The following CACNA2D1 variants were observed in gnomAD, a reference collection of about 807,000 sequenced individuals.
CACNA2D1 encodes the protein voltage-dependent calcium channel subunit alpha-2/delta-1.
A neutral mutation model predicts 171.5 loss-of-function variants in CACNA2D1; 53 were observed. The ratio of observed to expected loss-of-function variants is 0.31; its 90% confidence interval spans 0.25 to 0.39. The LOEUF is 0.39. Among genes scored for constraint, CACNA2D1 ranks in the 10% least tolerant of loss-of-function variants. The probability of loss-of-function intolerance (pLI) is 1.00; values close to 1 mark genes in which losing one functional copy is unlikely to be tolerated. For missense variants in CACNA2D1, 903 were observed against 1,299.8 expected (o/e 0.69, Z 4.69); for synonymous variants, 442 against 443.1 (o/e 1.00, Z 0.03).
chr7:82,109,840 C>T (rs1179382714), intron 6 of CACNA2D1, among the ~76,000 whole-genome samples: 5 of 152,172 alleles, frequency 3.3e-5, no homozygotes, highest in Non-Finnish European at 2.9e-5. Flanking sequence ...GGTATATTCA[C>T]CTCCTTTGAT....
intron 3 of CACNA2D1, among the ~76,000 whole-genome samples, chr7:82,210,171 T>G (rs1800416396): frequency 6.6e-6 from 1 of 152,112 alleles, no homozygotes; most frequent in African/African-American, 2.4e-5. Flanking sequence ...TGAGGGTAAT[T>G]AATAATAAGT....
At chr7:82,043,106 T>C (rs888738150) in intron 10 of CACNA2D1, among the ~76,000 whole-genome samples, 2 of 152,192 alleles carry the variant, frequency 1.3e-5, no homozygotes, top group Non-Finnish European at 2.9e-5. Flanking sequence ...GTATAAAATG[T>C]TGATCAATAA....
At chr7:82,036,948 T>C (rs1233414090) in intron 11 of CACNA2D1, among the ~76,000 whole-genome samples, 1 of 152,156 alleles carries the variant, frequency 6.6e-6, no homozygotes, top group Non-Finnish European at 1.5e-5. Flanking sequence ...TGTGGTTTGC[T>C]ACATGCCAGG....
At chr7:82,129,499 T>C (rs1008397968) in intron 5 of CACNA2D1, among the ~76,000 whole-genome samples, 6 of 152,218 alleles carry the variant, frequency 3.9e-5, no homozygotes, top group Admixed American at 6.5e-5. Flanking sequence ...CTGAGGATTA[T>C]TGATAAACAA....
At chr7:82,027,786 CA>C (rs1802127289) in intron 12 of CACNA2D1, 1 of 151,698 alleles carries the variant, frequency 6.6e-6, no homozygotes, top group Non-Finnish European at 1.5e-5. Context: ...ATTATTATTA[CA>C]TCTGTTATAG....
chr7:82,098,175 T>C (rs550873089), intron 6 of CACNA2D1, among the ~76,000 whole-genome samples: 14 of 150,512 alleles, frequency 9.3e-5, no homozygotes, highest in Non-Finnish European at 1.6e-4. Flanking sequence ...AGGAATCAGA[T>C]AGAAGTTGCT....
chr7:82,382,639 A>T (rs1431123636), intron 1 of CACNA2D1, among the ~76,000 whole-genome samples: 1 of 152,086 alleles, frequency 6.6e-6, no homozygotes, highest in East Asian at 1.9e-4. Context: ...TCAGAGAATG[A>T]CCTTTTATTT....
intron 4 of CACNA2D1, among the ~76,000 whole-genome samples, chr7:82,153,497 T>C (rs1258689283): frequency 6.6e-6 from 1 of 152,140 alleles, no homozygotes; most frequent in Non-Finnish European, 1.5e-5. Flanking sequence ...AAGTTGCTCA[T>C]GGAAACATTT....
intron 1 of CACNA2D1, among the ~76,000 whole-genome samples, chr7:82,362,934 C>T (rs1217910841): frequency 6.6e-6 from 1 of 152,074 alleles, no homozygotes; most frequent in Non-Finnish European, 1.5e-5. Context: ...CTACTAAAAA[C>T]CTTTTTATTT....
chr7:82,312,826 G>A (rs12540660), intron 3 of CACNA2D1, among the ~76,000 whole-genome samples: 26,902 of 152,002 alleles, frequency 0.18, 2,422 homozygotes, highest in South Asian at 0.28. Context: ...GAGCCACTGT[G>A]CCTGGCCTTG....
chr7:82,171,113 TTAG>T (rs987780778), intron 3 of CACNA2D1, among the ~76,000 whole-genome samples: 1 of 152,020 alleles, frequency 6.6e-6, no homozygotes, highest in African/African-American at 2.4e-5. Flanking sequence ...AAGTACATCT[TTAG>T]TAGTTCTTTC....
chr7:82,003,521 A>G (rs866396485), intron 18 of CACNA2D1, among the ~76,000 whole-genome samples: 8 of 151,296 alleles, frequency 5.3e-5, no homozygotes, highest in African/African-American at 1.5e-4. Flanking sequence ...AGAAAAGGAA[A>G]AAAACTTCAA....
At chr7:81,999,569 T>G (rs181408018) in intron 18 of CACNA2D1, among the ~76,000 whole-genome samples, 191 of 152,292 alleles carry the variant, frequency 1.3e-3, no homozygotes, top group African/African-American at 3.4e-3. Flanking sequence ...TGAGGAGTCT[T>G]GTGTGGTTGC....
chr7:82,263,370 C>G, intron 3 of CACNA2D1, among the ~76,000 whole-genome samples: 1 of 152,044 alleles, frequency 6.6e-6, no homozygotes, highest in East Asian at 1.9e-4. Flanking sequence ...CTCAGCATCC[C>G]AAAGAGCTGG....
chr7:82,252,835 A>G (rs1029431337), intron 3 of CACNA2D1, among the ~76,000 whole-genome samples: 4 of 152,038 alleles, frequency 2.6e-5, no homozygotes, highest in African/African-American at 9.7e-5. Flanking sequence ...GGTTGCAGTG[A>G]GCCAAGATCA....
chr7:82,221,515 TG>T (rs1208231830), intron 3 of CACNA2D1, among the ~76,000 whole-genome samples: 1 of 151,994 alleles, frequency 6.6e-6, no homozygotes, highest in Admixed American at 6.6e-5. Flanking sequence ...GAGACCGAGA[TG>T]GGTGGATCAC....
intron 3 of CACNA2D1, among the ~76,000 whole-genome samples, chr7:82,174,821 C>T (rs1021611299): frequency 3.9e-5 from 6 of 152,150 alleles, no homozygotes; most frequent in Non-Finnish European, 5.9e-5. Context: ...AGTAAAAACG[C>T]TTTTGCTATG....
intron 31 of CACNA2D1, among the ~76,000 whole-genome samples, chr7:81,966,116 T>C (rs2130345765): frequency 6.6e-6 from 1 of 151,936 alleles, no homozygotes; most frequent in South Asian, 2.1e-4. Flanking sequence ...AGACTATTTA[T>C]AATTATTTCA....
intron 1 of CACNA2D1, among the ~76,000 whole-genome samples, chr7:82,375,294 G>GCAA (rs1822893252): frequency 6.6e-6 from 1 of 152,102 alleles, no homozygotes; most frequent in Non-Finnish European, 1.5e-5. Flanking sequence ...TGCAGTCACT[G>GCAA]GTGGCTGCTT....
Sources: gnomAD v4.1 joint callset for allele counts (sites outside exome capture counted in the v4.1 genomes callset) on GRCh38, gnomAD v4.1.1 for gene constraint, MANE v1.5 for transcripts, NCBI Gene and HGNC (gene_info 2026-07-23, HGNC 2026-07-21) for gene names.